The following KIF16B variants were observed in gnomAD, a reference collection of about 807,000 sequenced individuals.
KIF16B encodes the protein kinesin family member 16B, also known as kinesin-like protein KIF16B.
A neutral mutation model predicts 156.3 loss-of-function variants in KIF16B; 98 were observed. That is an observed-to-expected ratio of 0.63 (90% CI 0.53 to 0.74). KIF16B has a LOEUF of 0.74. Ranked by LOEUF, KIF16B falls within the 30% of genes least tolerant of loss-of-function variation. The pLI is 0.00. For missense variants in KIF16B, 1,421 were observed against 1,606.5 expected, an observed-to-expected ratio of 0.88 and a Z score of 1.97; for synonymous variants, 564 against 583.7, an observed-to-expected ratio of 0.97 and a Z score of 0.49.
At chr20:16,522,695 A>AC (rs1202754150) in intron 3 of KIF16B, among the ~76,000 whole-genome samples, 1 of 152,142 alleles carries the variant, frequency 6.6e-6, no homozygotes, top group Non-Finnish European at 1.5e-5. Context: ...AGAACTCTCC[A>AC]CCCCAAATAA....
At chr20:16,305,329 C>T (rs1272993056) in intron 25 of KIF16B, among the ~76,000 whole-genome samples, 1 of 152,104 alleles carries the variant, frequency 6.6e-6, no homozygotes, top group Non-Finnish European at 1.5e-5. Flanking sequence ...AGATCAAAGA[C>T]AAAAACATGA....
At chr20:16,457,635 T>C (rs988065235) in intron 12 of KIF16B, among the ~76,000 whole-genome samples, 1 of 152,166 alleles carries the variant, frequency 6.6e-6, no homozygotes, top group African/African-American at 2.4e-5. Flanking sequence ...TGCCTAGCCT[T>C]GTCTTGTGCG....
chr20:16,354,184 G>A (rs951665578), intron 23 of KIF16B, among the ~76,000 whole-genome samples: 18 of 152,146 alleles, frequency 1.2e-4, no homozygotes, highest in Admixed American at 5.9e-4. Context: ...TTAAATCAAT[G>A]CAGTTTTTAA....
chr20:16,506,151 T>C lies in KIF16B; in HGVS notation c.739A>G (p.Lys247Glu), dbSNP rs747685520. ...DSEMPCETVS[K>E]IHLVDLAGSE... ...CCGGCAAGATCAACCAAGTGGATCT[T>C]ACTGACGGTTTCACATGGCATTTCA... is the stretch of plus-strand genomic sequence containing the variant. The change falls in exon 8 of 26, where the codon AAG (lysine) becomes GAG (glutamate). Residue 247 changes from lysine to glutamate, a missense_variant. Lys to Glu is a moderately conservative substitution (Grantham distance 56). Coordinates refer to ENST00000354981, the MANE Select transcript of KIF16B (RefSeq NM_024704.5). The C allele has an allele frequency of 1.7e-5, 27 of 1,614,064 alleles. No individual in the cohort carries two copies. Among genetic ancestry groups the C allele is most frequent in the Non-Finnish European group, 2.2e-5 (26 of 1,180,014 alleles).
At chr20:16,547,218 C>T (rs1352540739) in intron 1 of KIF16B, among the ~76,000 whole-genome samples, 4 of 152,228 alleles carry the variant, frequency 2.6e-5, no homozygotes, top group African/African-American at 9.6e-5. Context: ...CTAAGGCAAG[C>T]TGGCCATGCC....
rs143840397 is a variant in KIF16B at position 16,476,847 on chromosome 20, C to T, written c.1302+17444G>A. 6.2e-3 allele frequency among the ~76,000 whole-genome samples: 937 copies of T among 152,254 alleles called. 16 individuals are homozygous for T. Among genetic ancestry groups the T allele is most frequent in the African/African-American group, 0.021 (882 of 41,540 alleles). Reference sequence around the variant, plus strand: ...AATCTCGGCTGACTGCAACCTCCGCCTCCCAGGTTCAAGTGATCCTCCTGC... The same window carrying T: ...AATCTCGGCTGACTGCAACCTCCGCTTCCCAGGTTCAAGTGATCCTCCTGC... On this transcript the variant is annotated intron_variant, in intron 12 of 25. Coordinates refer to ENST00000354981, the MANE Select transcript of KIF16B (RefSeq NM_024704.5).
chr20:16,487,602 G>A (rs571776481), intron 12 of KIF16B, among the ~76,000 whole-genome samples: 2 of 152,258 alleles, frequency 1.3e-5, no homozygotes, highest in South Asian at 4.1e-4. Flanking sequence ...GATATAAGCT[G>A]GTTGAAAGCA....
chr20:16,554,433 G>A (rs868814815), intron 1 of KIF16B, among the ~76,000 whole-genome samples: 1 of 152,204 alleles, frequency 6.6e-6, no homozygotes, highest in Non-Finnish European at 1.5e-5. Flanking sequence ...CCTCTCTGCT[G>A]AGCGCTGAAC....
intron 12 of KIF16B, among the ~76,000 whole-genome samples, chr20:16,472,968 C>G (rs2067706010): frequency 6.6e-6 from 1 of 152,160 alleles, no homozygotes. Flanking sequence ...AGAAACTAAG[C>G]ACATCAATCA....
At chr20:16,408,549 ATTC>A (rs561120661) in intron 15 of KIF16B, among the ~76,000 whole-genome samples, 6 of 152,184 alleles carry the variant, frequency 3.9e-5, no homozygotes, top group Admixed American at 2.6e-4. Flanking sequence ...TACATCTCCA[ATTC>A]TTCTTTTTTT....
intron 24 of KIF16B, among the ~76,000 whole-genome samples, chr20:16,317,157 C>T (rs1326444263): frequency 6.6e-6 from 1 of 152,144 alleles, no homozygotes; most frequent in Non-Finnish European, 1.5e-5. Context: ...TATATTTACA[C>T]ATTTTCATTT....
At chr20:16,315,008 T>C (rs935790377) in intron 24 of KIF16B, among the ~76,000 whole-genome samples, 2 of 152,106 alleles carry the variant, frequency 1.3e-5, no homozygotes, top group Admixed American at 6.5e-5. Context: ...CACAGTTGGT[T>C]GTTTTGTCAT....
intron 12 of KIF16B, among the ~76,000 whole-genome samples, chr20:16,455,576 C>G: frequency 6.6e-6 from 1 of 152,024 alleles, no homozygotes; most frequent in East Asian, 1.9e-4. Flanking sequence ...TTGTCAAGAC[C>G]AATAAATAGT....
intron 1 of KIF16B, among the ~76,000 whole-genome samples, chr20:16,537,087 AC>A (rs1414290003): frequency 2.0e-5 from 3 of 151,372 alleles, no homozygotes; most frequent in Non-Finnish European, 2.9e-5. Flanking sequence ...CCTCTCTCAC[AC>A]ACACTCCATC....
intron 23 of KIF16B, among the ~76,000 whole-genome samples, chr20:16,342,456 C>T (rs1264892722): frequency 6.6e-6 from 1 of 152,158 alleles, no homozygotes; most frequent in Non-Finnish European, 1.5e-5. Flanking sequence ...AGAGTTCAGG[C>T]TTGACCTCAA....
At chr20:16,381,977 G>T in intron 17 of KIF16B, 2 of 855,594 alleles carry the variant, frequency 2.3e-6, no homozygotes, top group Non-Finnish European at 3.5e-6. Flanking sequence ...GATTTTACTT[G>T]AAGGAAAACA....
At chr20:16,485,700 A>G (rs2068094785) in intron 12 of KIF16B, among the ~76,000 whole-genome samples, 1 of 152,236 alleles carries the variant, frequency 6.6e-6, no homozygotes, top group Non-Finnish European at 1.5e-5. Flanking sequence ...GTTCAGACCT[A>G]CTGAGCAATA....
chr20:16,329,365 CA>C (rs2063910674), intron 24 of KIF16B, among the ~76,000 whole-genome samples: 1 of 152,120 alleles, frequency 6.6e-6, no homozygotes, highest in Non-Finnish European at 1.5e-5. Context: ...AAAAAGAGAA[CA>C]CTTCATGGGG....
intron 24 of KIF16B, among the ~76,000 whole-genome samples, chr20:16,315,817 G>A (rs2063689490): frequency 6.6e-6 from 1 of 152,154 alleles, no homozygotes; most frequent in African/African-American, 2.4e-5. Context: ...TGGAGAAAAG[G>A]AACAGCTGCA....
Sources: gnomAD v4.1 joint callset for allele counts (sites outside exome capture counted in the v4.1 genomes callset) on GRCh38, gnomAD v4.1.1 for gene constraint, MANE v1.5 for transcripts, NCBI Gene and HGNC (gene_info 2026-07-23, HGNC 2026-07-21) for gene names.